The following NSL1 variants were observed in gnomAD, a reference collection of about 807,000 sequenced individuals.
The protein encoded by NSL1 is NSL1 component of MIS12 kinetochore complex, also known as kinetochore-associated protein NSL1 homolog.
Under a neutral mutation model 25.4 loss-of-function variants are expected in NSL1, and 11 were observed. The ratio of observed to expected loss-of-function variants is 0.43; its 90% CI spans 0.27 to 0.72. The LOEUF (loss-of-function observed/expected upper bound fraction) is 0.72. Among genes scored for constraint, NSL1 ranks in the 30% least tolerant of loss-of-function variants. NSL1 has a pLI of 0.19. For missense variants in NSL1, 330 were observed against 342.7 expected (o/e 0.96, Z 0.29); for synonymous variants, 118 against 120.6 (o/e 0.98, Z 0.14).
Position 212,728,035 on chromosome 1 carries a change from A to G in NSL1, c.*10373T>C, listed in dbSNP as rs1657858866. 1 of 985,440 alleles carries G rather than the reference A, an allele frequency of 1.0e-6. No homozygotes were observed. The highest frequency in any genetic ancestry group is 1.2e-6 in the Non-Finnish European group (1 of 829,930). The allele number at this position is 985,440 out of a possible 1,614,324, so 61.0% of individuals were successfully genotyped here. On this transcript the variant is annotated 3_prime_UTR_variant, in exon 6 of 6. Coordinates refer to ENST00000366977, the MANE Select transcript of NSL1 (RefSeq NM_015471.4). ...TGGTCAGAAGGCCTCGCTCTGCTCT[A>G]CATGGTCTATAGACCGCTGGGAAGG...
At chr1:212,777,439 A>G (rs1427534132) in intron 4 of NSL1, among the ~76,000 whole-genome samples, 1 of 152,196 alleles carries the variant, frequency 6.6e-6, no homozygotes, top group Non-Finnish European at 1.5e-5. Context: ...GTCCCCCTGT[A>G]AAGGAATGGA....
chr1:212,771,328 C>CA (rs1558056507), intron 4 of NSL1, among the ~76,000 whole-genome samples: 1 of 151,764 alleles, frequency 6.6e-6, no homozygotes, highest in Non-Finnish European at 1.5e-5. Flanking sequence ...AAACAAAAAA[C>CA]AAAAAACCTC....
chr1:212,756,255 A>G (rs12129465), intron 4 of NSL1, among the ~76,000 whole-genome samples: 34,430 of 151,752 alleles, frequency 0.23, 4,617 homozygotes, highest in African/African-American at 0.38. Flanking sequence ...GAGTAGCTGG[A>G]ACTACAGGCA....
intron 4 of NSL1, chr1:212,766,293 C>A: frequency 6.6e-6 from 4 of 602,406 alleles, no homozygotes; most frequent in Non-Finnish European, 1.2e-5. Context: ...GACAAAGATG[C>A]CCACTTTCAC....
In NSL1 at chr1:212,726,999, G is replaced by A; in HGVS notation, c.*11409C>T. 1 of 968,250 alleles carries A rather than the reference G, an allele frequency of 1.0e-6. No homozygotes were observed. Among genetic ancestry groups the A allele is most frequent in the South Asian group, 1.7e-5 (1 of 57,856 alleles). 60.0% of individuals were successfully genotyped at this position (968,250 alleles called of 1,614,324 possible). ...TGCTTCCTGGCTGTGTCCTCTCAGA[G>A]GCCCTCCAGTCCAGTCTACTCCGGC... On this transcript the variant is annotated 3_prime_UTR_variant, in exon 6 of 6. Transcript: ENST00000366977.
chr1:212,789,518 T>A (rs1440350134), intron 1 of NSL1, among the ~76,000 whole-genome samples: 1 of 152,224 alleles, frequency 6.6e-6, no homozygotes, highest in East Asian at 1.9e-4. Flanking sequence ...GGCCTATGTA[T>A]GTTTTAAAAT....
intron 1 of NSL1, among the ~76,000 whole-genome samples, chr1:212,790,460 A>T (rs1661153813): frequency 6.6e-6 from 1 of 152,142 alleles, no homozygotes; most frequent in Admixed American, 6.5e-5. Flanking sequence ...TTTCTTAAAT[A>T]TTTTTGCAAA....
rs142231399 is a variant in NSL1, at chr1:212,789,736, A to G, written c.234+1794T>C. On this transcript the variant is annotated intron_variant, in intron 1 of 5. Coordinates refer to ENST00000366977, the MANE Select transcript of NSL1 (RefSeq NM_015471.4). ...GTCTAAGCCCTGTAAACTTTATCTT[A>G]TAATTCACTTTATCGTCCCACTAAA... Among the ~76,000 whole-genome samples, 297 of 152,370 alleles carry G rather than the reference A, an allele frequency of 1.9e-3. 3 individuals are homozygous for G. Among genetic ancestry groups the G allele is most frequent in the African/African-American group, 6.9e-3 (285 of 41,586 alleles).
At chr1:212,773,606 T>C (rs1660222513) in intron 4 of NSL1, among the ~76,000 whole-genome samples, 1 of 152,058 alleles carries the variant, frequency 6.6e-6, no homozygotes, top group Admixed American at 6.6e-5. Flanking sequence ...TTAGTATAGC[T>C]ACAATGGAAA....
chr1:212,791,440 A>C, intron 1 of NSL1, 90 bp downstream of exon 1: 4 of 1,192,946 alleles, frequency 3.4e-6, no homozygotes, highest in Non-Finnish European at 4.8e-6. Flanking sequence ...TAATTCTGCC[A>C]AGGCCTGGCG....
At chr1:212,778,278 C>T (rs959531042) in intron 4 of NSL1, among the ~76,000 whole-genome samples, 7 of 152,352 alleles carry the variant, frequency 4.6e-5, no homozygotes, top group Middle Eastern at 3.4e-3. Flanking sequence ...TGGGGAGAAT[C>T]TGTCTGCTTT....
chr1:212,751,433 C>T (rs550261663), intron 4 of NSL1, among the ~76,000 whole-genome samples: 59 of 152,314 alleles, frequency 3.9e-4, no homozygotes, highest in Non-Finnish European at 6.0e-4. Context: ...ATCCAAAGCA[C>T]ACACTCTTCT....
intron 4 of NSL1, among the ~76,000 whole-genome samples, chr1:212,772,973 G>C (rs1195081060): frequency 6.6e-6 from 1 of 152,110 alleles, no homozygotes; most frequent in Non-Finnish European, 1.5e-5. Flanking sequence ...AAATGGTGCT[G>C]GGAAAATTGG....
Position 212,784,436 on chromosome 1 carries a change from G to T in NSL1, c.371C>A (p.Thr124Lys), listed in dbSNP as rs745461106. Residue 124 changes from threonine to lysine, a missense_variant, in exon 3 of 6, where the codon ACA becomes AAA. Physicochemically the swap from Thr to Lys is moderately conservative, Grantham distance 78. Coordinates refer to ENST00000366977, the MANE Select transcript of NSL1 (RefSeq NM_015471.4). The part of the protein sequence containing the change: ...QFDEIIVDIA[T>K]KRKQYPRKIL... ...CTTTCTGGGATACTGCTTACGTTTT[G>T]TGGCTATATCTACTATGATTTCATC... is the stretch of plus-strand genomic sequence containing the variant. 6.3e-7 allele frequency: 1 copy of T among 1,595,972 alleles called. No homozygotes were observed. The highest frequency in any genetic ancestry group is 8.6e-7 in the Non-Finnish European group (1 of 1,166,622).
At chr1:212,779,438 T>C (rs1384868070) in intron 4 of NSL1, among the ~76,000 whole-genome samples, 1 of 116,080 alleles carries the variant, frequency 8.6e-6, no homozygotes. Context: ...GGGGCGCCTC[T>C]GCCCGGCCGC....
intron 4 of NSL1, among the ~76,000 whole-genome samples, chr1:212,779,347 C>A (rs1489703958): frequency 1.4e-5 from 2 of 142,404 alleles, no homozygotes; most frequent in African/African-American, 2.6e-5. Flanking sequence ...GGTCAGCCCC[C>A]CTCCCGGCCA....
intron 4 of NSL1, among the ~76,000 whole-genome samples, chr1:212,762,421 T>C (rs1047330341): frequency 1.3e-5 from 2 of 151,916 alleles, no homozygotes; most frequent in Admixed American, 6.6e-5. Flanking sequence ...TTGAATTAGA[T>C]CTTTTATTTA....
intron 4 of NSL1, among the ~76,000 whole-genome samples, chr1:212,746,238 G>A (rs1300731588): frequency 1.3e-5 from 2 of 152,062 alleles, no homozygotes; most frequent in Non-Finnish European, 2.9e-5. Context: ...GATATACAAT[G>A]TATAAAGATG....
intron 4 of NSL1, among the ~76,000 whole-genome samples, chr1:212,756,934 A>G (rs766125163): frequency 3.0e-4 from 46 of 152,194 alleles, no homozygotes; most frequent in African/African-American, 1.0e-3. Context: ...AAATTATATA[A>G]TATCTGTAAG....
Sources: allele counts gnomAD v4.1 joint callset (sites outside exome capture counted in the v4.1 genomes callset), GRCh38; gene constraint gnomAD v4.1.1; transcripts MANE v1.5; gene names NCBI Gene and HGNC (gene_info 2026-07-23, HGNC 2026-07-21).